Variants in ADAMTSL3 observed in about 807,000 individuals in gnomAD.
ADAMTSL3 encodes the protein ADAMTS like 3.
In ADAMTSL3, 128 loss-of-function variants were observed where a neutral mutation model predicts 201.7. That is an observed-to-expected ratio of 0.63 (90% CI 0.55 to 0.73). ADAMTSL3 has a LOEUF of 0.73. Ranked by LOEUF, ADAMTSL3 falls within the 30% of genes least tolerant of loss-of-function variation. The probability of loss-of-function intolerance (pLI) is 0.00; values close to 1 mark genes in which losing one functional copy is unlikely to be tolerated. For synonymous variants in ADAMTSL3, 738 were observed against 748.4 expected (o/e 0.99, Z 0.23); for missense variants, 1,990 against 2,119.6 (o/e 0.94, Z 1.20).
chr15:83,763,119 A>G (rs2062834838), intron 3 of ADAMTSL3, among the ~76,000 whole-genome samples: 1 of 151,692 alleles, frequency 6.6e-6, no homozygotes, highest in Admixed American at 6.6e-5. Context: ...GAACTCTTGA[A>G]CCTCAAGTGA....
intron 27 of ADAMTSL3, among the ~76,000 whole-genome samples, chr15:84,030,129 C>T (rs1175322156): frequency 6.6e-6 from 1 of 152,180 alleles, no homozygotes; most frequent in Admixed American, 6.5e-5. Flanking sequence ...TTGGAGCCTC[C>T]ACACAGAGTC....
rs577725115 is a variant in ADAMTSL3 at position 83,817,581 on chromosome 15, A to G, written c.364-2230A>G. 2.0e-5 allele frequency among the ~76,000 whole-genome samples: 3 copies of G among 152,344 alleles called. No homozygotes were observed. In the East Asian group the frequency reaches 5.8e-4, roughly 29 times the overall value. The stretch of plus-strand genomic sequence containing the variant: ...AAAACCAAAATGAAATGGGGAAAAT[A>G]TTTCCAACAGAAATGACAAAGAGTT... On this transcript the variant is annotated intron_variant, in intron 5 of 29. Coordinates refer to ENST00000286744, the MANE Select transcript of ADAMTSL3 (RefSeq NM_207517.3).
chr15:83,959,787 C>T (rs2066927391), intron 19 of ADAMTSL3, among the ~76,000 whole-genome samples: 1 of 152,214 alleles, frequency 6.6e-6, no homozygotes, highest in African/African-American at 2.4e-5. Flanking sequence ...CTGATTATGA[C>T]ATCTCCTCTC....
chr15:83,863,468 A>G (rs552715833), intron 8 of ADAMTSL3, among the ~76,000 whole-genome samples: 33 of 152,348 alleles, frequency 2.2e-4, no homozygotes, highest in African/African-American at 6.7e-4. Context: ...AACTCACTCA[A>G]AACTGCTAAC....
Position 83,991,194 on chromosome 15 carries a change from C to G in ADAMTSL3, c.3953C>G (p.Thr1318Arg). The change falls in exon 23 of 30, where the codon ACA becomes AGA. Residue 1318 changes from threonine (T) to arginine (R), a missense_variant. Physicochemically the swap from Thr to Arg is moderately conservative, Grantham distance 71. Coordinates refer to ENST00000286744, the MANE Select transcript of ADAMTSL3 (RefSeq NM_207517.3). ...GAGGCAGCCCTTGGAGCAAACGTGACAATCCGATGTCCTGTAAAAGGTAAG... is the reference window on the plus strand; with the variant it reads ...GAGGCAGCCCTTGGAGCAAACGTGAGAATCCGATGTCCTGTAAAAGGTAAG... ...IVEAALGANVTIRCPVKGVPQ... is the reference protein window; with the variant it reads ...IVEAALGANVRIRCPVKGVPQ... The G allele has an allele frequency of 6.2e-7, 1 of 1,614,162 alleles. No homozygotes were observed. Among genetic ancestry groups the G allele is most frequent in the Admixed American group, 1.7e-5 (1 of 60,022 alleles).
intron 3 of ADAMTSL3, among the ~76,000 whole-genome samples, chr15:83,758,931 A>G (rs1451526151): frequency 2.0e-5 from 3 of 152,110 alleles, no homozygotes; most frequent in Non-Finnish European, 4.4e-5. Flanking sequence ...TTATTCTTGA[A>G]TAGGGCTTAG....
At chr15:83,827,466 G>T (rs557868541) in intron 6 of ADAMTSL3, among the ~76,000 whole-genome samples, 1 of 152,278 alleles carries the variant, frequency 6.6e-6, no homozygotes, top group Non-Finnish European at 1.5e-5. Context: ...TAGGTTGCCT[G>T]TTCACTCTGA....
chr15:83,860,754 G>A (rs2064837653), intron 8 of ADAMTSL3, among the ~76,000 whole-genome samples: 1 of 152,170 alleles, frequency 6.6e-6, no homozygotes, highest in Admixed American at 6.5e-5. Flanking sequence ...GTAGAAGACG[G>A]GTGATTTCTG....
intron 23 of ADAMTSL3, among the ~76,000 whole-genome samples, chr15:83,992,964 C>T (rs1157193855): frequency 1.3e-5 from 2 of 152,218 alleles, no homozygotes; most frequent in Non-Finnish European, 2.9e-5. Flanking sequence ...GGAATTGTCC[C>T]ATTTGGCCTT....
At chr15:83,966,038 T>TTAGAG (rs1219711503) in intron 19 of ADAMTSL3, among the ~76,000 whole-genome samples, 1 of 152,110 alleles carries the variant, frequency 6.6e-6, no homozygotes, top group East Asian at 1.9e-4. Context: ...AAAGCAGTGT[T>TTAGAG]TAGAGAGAAA....
chr15:83,738,539 A>C (rs1403247997), intron 3 of ADAMTSL3, among the ~76,000 whole-genome samples: 4 of 152,176 alleles, frequency 2.6e-5, no homozygotes, highest in Non-Finnish European at 4.4e-5. Context: ...ACAGAGAAGA[A>C]ATTTGTTTAA....
At chr15:83,711,580 C>T (rs1476480401) in intron 3 of ADAMTSL3, among the ~76,000 whole-genome samples, 2 of 152,154 alleles carry the variant, frequency 1.3e-5, no homozygotes, top group Non-Finnish European at 2.9e-5. Context: ...CAAGATTTAG[C>T]GATCTAACAA....
At chr15:83,788,956 C>T (rs1280592716) in intron 4 of ADAMTSL3, among the ~76,000 whole-genome samples, 8 of 152,064 alleles carry the variant, frequency 5.3e-5, no homozygotes, top group African/African-American at 1.4e-4. Context: ...ACTACAGGCA[C>T]GTGCCACCAT....
intron 8 of ADAMTSL3, among the ~76,000 whole-genome samples, chr15:83,860,926 G>A (rs1309551725): frequency 1.3e-5 from 2 of 152,196 alleles, no homozygotes. Flanking sequence ...GTCAAAGAAA[G>A]GGGTGACAGA....
At chr15:83,847,338 G>A (rs1490655755) in intron 7 of ADAMTSL3, among the ~76,000 whole-genome samples, 1 of 152,144 alleles carries the variant, frequency 6.6e-6, no homozygotes, top group Non-Finnish European at 1.5e-5. Flanking sequence ...TCCTCCAGCT[G>A]CAGAATCAGT....
intron 28 of ADAMTSL3, among the ~76,000 whole-genome samples, chr15:84,036,284 AC>A (rs1236130541): frequency 6.6e-6 from 1 of 152,196 alleles, no homozygotes; most frequent in East Asian, 1.9e-4. Flanking sequence ...TCTTGGTGTG[AC>A]CTAAATGTAA....
intron 4 of ADAMTSL3, among the ~76,000 whole-genome samples, chr15:83,797,501 T>C (rs1389362041): frequency 1.3e-5 from 2 of 152,030 alleles, no homozygotes; most frequent in African/African-American, 4.8e-5. Flanking sequence ...CTCGGAAGGC[T>C]GAGACACAAG....
At chr15:83,665,020 A>T (rs1323831241) in intron 2 of ADAMTSL3, among the ~76,000 whole-genome samples, 1 of 152,150 alleles carries the variant, frequency 6.6e-6, no homozygotes, top group African/African-American at 2.4e-5. Context: ...CACCGTTGCG[A>T]CACCATTGGA....
intron 3 of ADAMTSL3, among the ~76,000 whole-genome samples, chr15:83,762,545 A>G (rs1440381432): frequency 6.6e-6 from 1 of 152,096 alleles, no homozygotes; most frequent in Non-Finnish European, 1.5e-5. Context: ...CCTTGTTGCC[A>G]TGTCCTCTAG....
Sources: gnomAD v4.1 joint callset for allele counts (sites outside exome capture counted in the v4.1 genomes callset) on GRCh38, gnomAD v4.1.1 for gene constraint, MANE v1.5 for transcripts, NCBI Gene and HGNC (gene_info 2026-07-23, HGNC 2026-07-21) for gene names.